CDC42BPA: variants seen among roughly 807,000 people sequenced by gnomAD.
CDC42BPA encodes the protein CDC42 binding protein kinase alpha, also known as serine/threonine-protein kinase MRCK alpha.
Under a neutral mutation model 223.5 loss-of-function variants are expected in CDC42BPA, and 80 were observed. That is an observed-to-expected ratio of 0.36 (90% confidence interval 0.30 to 0.43). The LOEUF (loss-of-function observed/expected upper bound fraction) is 0.43. CDC42BPA is among the 20% of genes least tolerant of loss of function. The pLI is 1.00. For synonymous variants in CDC42BPA, 694 were observed against 718.6 expected, an observed-to-expected ratio of 0.97 and a Z score of 0.55; for missense variants, 1,743 against 2,099.9, an observed-to-expected ratio of 0.83 and a Z score of 3.32.
chr1:227,088,451 T>A (rs1303697284), intron 16 of CDC42BPA, among the ~76,000 whole-genome samples: 1 of 152,192 alleles, frequency 6.6e-6, no homozygotes, highest in Non-Finnish European at 1.5e-5. Context: ...GTGGATTGTA[T>A]ACATGATTGC....
In CDC42BPA at chr1:227,139,624, T is replaced by C; in HGVS notation, c.1342A>G (p.Ile448Val). 6 of 1,610,044 alleles carry C rather than the reference T, an allele frequency of 3.7e-6. No individual in the cohort carries two copies. Among genetic ancestry groups the C allele is most frequent in the Non-Finnish European group, 5.1e-6 (6 of 1,178,526 alleles). The change falls in exon 10 of 37, where the codon ATT becomes GTT. Residue 448 changes from isoleucine to valine, a missense_variant. Coordinates refer to ENST00000366766, the MANE Select transcript of CDC42BPA (RefSeq NM_001394014.1). Reference sequence around the variant, plus strand: ...AGTTTTTCTTGCTCAAGGCGCTTAATTCTTCTTTCATAAGCTTCAGTTGCT... The same window carrying C: ...AGTTTTTCTTGCTCAAGGCGCTTAACTCTTCTTTCATAAGCTTCAGTTGCT... ...NLATEAYERR[I>V]KRLEQEKLEL...
intron 5 of CDC42BPA, among the ~76,000 whole-genome samples, chr1:227,168,244 C>T (rs1008235700): frequency 6.6e-6 from 1 of 152,042 alleles, no homozygotes; most frequent in African/African-American, 2.4e-5. Flanking sequence ...TTTTGTTCTT[C>T]TTTTACTTAA....
At chr1:227,283,318 CG>C (rs1172468868) in intron 1 of CDC42BPA, among the ~76,000 whole-genome samples, 1 of 151,852 alleles carries the variant, frequency 6.6e-6, no homozygotes, top group African/African-American at 2.4e-5. Context: ...TACACATAAA[CG>C]AGAGAAATAT....
At chr1:227,128,552 C>T (rs991400294) in intron 11 of CDC42BPA, among the ~76,000 whole-genome samples, 1 of 152,164 alleles carries the variant, frequency 6.6e-6, no homozygotes, top group African/African-American at 2.4e-5. Context: ...ACACCTGCTA[C>T]ATAGTAGGTG....
intron 12 of CDC42BPA, among the ~76,000 whole-genome samples, chr1:227,116,463 T>G (rs1028965634): frequency 1.1e-4 from 16 of 152,202 alleles, no homozygotes; most frequent in African/African-American, 3.9e-4. Flanking sequence ...TTATTAGCGA[T>G]GAAATATCAG....
At chr1:227,019,243 G>T (rs1666908152) in intron 32 of CDC42BPA, among the ~76,000 whole-genome samples, 1 of 152,046 alleles carries the variant, frequency 6.6e-6, no homozygotes, top group Admixed American at 6.6e-5. Context: ...TCCATTTCAA[G>T]AAACCATTTT....
At chr1:227,162,931 TATGTGTGTGTTTCCAAAC>T (rs1249220902) in intron 5 of CDC42BPA, among the ~76,000 whole-genome samples, 35 of 148,314 alleles carry the variant, frequency 2.4e-4, no homozygotes, top group Admixed American at 6.7e-5. Context: ...TTTCCAAACA[TATGTGTGTGTTTCCAAAC>T]ATATATGTTT....
intron 5 of CDC42BPA, among the ~76,000 whole-genome samples, chr1:227,162,784 C>T (rs536039493): frequency 2.8e-4 from 43 of 151,808 alleles, no homozygotes; most frequent in Middle Eastern, 6.8e-3. Context: ...TGCAGTGAGC[C>T]GTGACTGTGT....
intron 5 of CDC42BPA, among the ~76,000 whole-genome samples, chr1:227,166,758 G>C (rs968673797): frequency 3.3e-5 from 5 of 152,176 alleles, no homozygotes; most frequent in African/African-American, 9.7e-5. Context: ...GTGCTCACTA[G>C]GGGCGGGAGT....
intron 5 of CDC42BPA, among the ~76,000 whole-genome samples, chr1:227,183,774 C>A (rs1668330782): frequency 6.6e-6 from 1 of 152,236 alleles, no homozygotes; most frequent in African/African-American, 2.4e-5. Flanking sequence ...AAATGTCCAA[C>A]TGTCTTCCAA....
chr1:227,031,974 T>C (rs1572373129), intron 27 of CDC42BPA, among the ~76,000 whole-genome samples: 2 of 152,162 alleles, frequency 1.3e-5, no homozygotes, highest in East Asian at 3.9e-4. Context: ...AAATCATTTC[T>C]CCAAGGACAT....
intron 2 of CDC42BPA, among the ~76,000 whole-genome samples, chr1:227,250,904 T>G (rs1204203286): frequency 6.6e-6 from 1 of 151,746 alleles, no homozygotes; most frequent in Non-Finnish European, 1.5e-5. Context: ...AATTTACAAA[T>G]TAGCCAAGCA....
chr1:227,055,154 A>G (rs1236955340), intron 21 of CDC42BPA, among the ~76,000 whole-genome samples: 4 of 152,040 alleles, frequency 2.6e-5, no homozygotes, highest in Non-Finnish European at 5.9e-5. Flanking sequence ...GAATAAACTC[A>G]GGGCAAAAAC....
chr1:227,317,966 G>T lies in CDC42BPA; in HGVS notation c.-784C>A. 2.5e-6 allele frequency: 1 copy of T among 396,128 alleles called. No homozygotes were observed. The highest frequency in any genetic ancestry group is 4.5e-6 in the Non-Finnish European group (1 of 224,664). The allele number at this position is 396,128 out of a possible 1,614,324, so 24.5% of individuals were successfully genotyped here. ...AGGGCCTGACCGGCGGCGCGGCCGG[G>T]GGTGGAAGGCGGGCTGCGGGCGGCA... is the stretch of plus-strand genomic sequence containing the variant. On this transcript the variant is annotated 5_prime_UTR_variant, in exon 1 of 37. Transcript: ENST00000366766.
chr1:227,278,206 C>T (rs909956020), intron 1 of CDC42BPA, among the ~76,000 whole-genome samples: 5 of 152,338 alleles, frequency 3.3e-5, no homozygotes, highest in South Asian at 2.1e-4. Context: ...CTCTACAAAG[C>T]TTTTGAAAAG....
intron 35 of CDC42BPA, among the ~76,000 whole-genome samples, chr1:227,003,213 G>GT (rs1356948012): frequency 7.2e-5 from 11 of 152,038 alleles, no homozygotes; most frequent in African/African-American, 2.4e-4. Flanking sequence ...AAGGGAACAA[G>GT]TAAGTTTTCT....
At chr1:227,187,007 C>T (rs1190107305) in intron 5 of CDC42BPA, among the ~76,000 whole-genome samples, 1 of 152,208 alleles carries the variant, frequency 6.6e-6, no homozygotes, top group African/African-American at 2.4e-5. Flanking sequence ...CCACTTGTAA[C>T]ACTGCTAATC....
intron 22 of CDC42BPA, among the ~76,000 whole-genome samples, chr1:227,050,810 G>C (rs1572490932): frequency 6.6e-6 from 1 of 152,244 alleles, no homozygotes; most frequent in East Asian, 1.9e-4. Context: ...AGGATATTTA[G>C]ATATGTCTGG....
At position 227,015,292 on chromosome 1, in the gene CDC42BPA, G is replaced by C. The variant is rs909771711; in HGVS notation, c.4857+788C>G. ...TACAAAATTAGCTGGGCATGGTGGTGGGTGCCTGTAATCCCAGCTACTCAG... is the reference window on the plus strand; with the variant it reads ...TACAAAATTAGCTGGGCATGGTGGTCGGTGCCTGTAATCCCAGCTACTCAG... On this transcript the variant is annotated intron_variant, in intron 34 of 36. Transcript: ENST00000366766. Among the ~76,000 whole-genome samples, 4 of 152,006 alleles carry C rather than the reference G, an allele frequency of 2.6e-5. 1 individual carries two copies. The South Asian group carries it at 6.2e-4, about 24-fold the overall frequency.
Sources: allele counts gnomAD v4.1 joint callset (sites outside exome capture counted in the v4.1 genomes callset), GRCh38; gene constraint gnomAD v4.1.1; transcripts MANE v1.5; gene names NCBI Gene and HGNC (gene_info 2026-07-23, HGNC 2026-07-21).